Variants in TAFA1 observed in about 807,000 individuals in gnomAD.
TAFA1 encodes the protein TAFA chemokine like family member 1, also known as chemokine-like protein TAFA-1.
Under a neutral mutation model 18.5 loss-of-function variants are expected in TAFA1, and 4 were observed. The ratio of observed to expected loss-of-function variants is 0.22; its 90% CI spans 0.11 to 0.49. The LOEUF is 0.49. Among genes scored for constraint, TAFA1 ranks in the 20% least tolerant of loss-of-function variants. The probability of loss-of-function intolerance (pLI) is 0.98; values close to 1 mark genes in which losing one functional copy is unlikely to be tolerated. For missense variants in TAFA1, 147 were observed against 169.0 expected (o/e 0.87, Z 0.72); for synonymous variants, 56 against 55.2 (o/e 1.01, Z -0.06).
chr3:68,474,404 C>G (rs1008072100), intron 3 of TAFA1, among the ~76,000 whole-genome samples: 1 of 152,096 alleles, frequency 6.6e-6, no homozygotes, highest in Non-Finnish European at 1.5e-5. Context: ...ACACCTGTGC[C>G]CCATTACTAA....
intron 2 of TAFA1, among the ~76,000 whole-genome samples, chr3:68,126,026 A>G (rs944269682): frequency 6.6e-6 from 1 of 152,158 alleles, no homozygotes; most frequent in Admixed American, 6.5e-5. Context: ...AAACACATCC[A>G]TTAATTGATT....
intron 3 of TAFA1, among the ~76,000 whole-genome samples, chr3:68,468,185 T>C (rs1441503313): frequency 1.3e-5 from 2 of 152,198 alleles, no homozygotes; most frequent in Non-Finnish European, 1.5e-5. Flanking sequence ...TTTAAGGATA[T>C]GCATCTAACA....
In TAFA1 at chr3:68,034,558, A is replaced by G. The variant is rs139910726; in HGVS notation, c.118+27814A>G. On this transcript the variant is annotated intron_variant, in intron 2 of 4. Coordinates refer to ENST00000478136, the MANE Select transcript of TAFA1 (RefSeq NM_213609.4). Reference sequence around the variant, plus strand: ...GCTTAAATGGACTCTATTGTGACCTAGCTTTCAGCAGGAAGCATAAACCAG... The same window carrying G: ...GCTTAAATGGACTCTATTGTGACCTGGCTTTCAGCAGGAAGCATAAACCAG... 2.5e-3 allele frequency among the ~76,000 whole-genome samples: 374 copies of G among 152,326 alleles called. 1 individual carries two copies. Among genetic ancestry groups the G allele is most frequent in the African/African-American group, 8.6e-3 (356 of 41,578 alleles).
intron 2 of TAFA1, among the ~76,000 whole-genome samples, chr3:68,311,942 C>T (rs1207275170): frequency 6.6e-6 from 1 of 152,230 alleles, no homozygotes; most frequent in Admixed American, 6.5e-5. Context: ...TCTGCCTAGG[C>T]ATCCAGGCAT....
intron 2 of TAFA1, among the ~76,000 whole-genome samples, chr3:68,347,107 T>C (rs2069175729): frequency 6.6e-6 from 1 of 152,178 alleles, no homozygotes; most frequent in African/African-American, 2.4e-5. Context: ...ATCATGGCCG[T>C]TATTATACAT....
At chr3:68,229,573 G>A (rs904451089) in intron 2 of TAFA1, among the ~76,000 whole-genome samples, 1 of 152,152 alleles carries the variant, frequency 6.6e-6, no homozygotes, top group Non-Finnish European at 1.5e-5. Context: ...GAGAAATGTG[G>A]AAACATAGGC....
intron 2 of TAFA1, among the ~76,000 whole-genome samples, chr3:68,114,783 C>A (rs138097321): frequency 1.3e-4 from 19 of 151,982 alleles, no homozygotes; most frequent in African/African-American, 4.6e-4. Flanking sequence ...TTATAATAGC[C>A]CTAAACTTAA....
chr3:68,178,146 C>A (rs554656897), intron 2 of TAFA1, among the ~76,000 whole-genome samples: 19 of 142,778 alleles, frequency 1.3e-4, no homozygotes, highest in East Asian at 6.4e-4. Flanking sequence ...TCCATCCCCC[C>A]CTCCCCAAAA....
At chr3:68,398,017 G>A (rs1278585975) in intron 2 of TAFA1, among the ~76,000 whole-genome samples, 2 of 152,086 alleles carry the variant, frequency 1.3e-5, no homozygotes, top group East Asian at 1.9e-4. Flanking sequence ...CAAATTCAGT[G>A]TTATTCCCAT....
chr3:68,406,333 A>G (rs1430388290), intron 2 of TAFA1, among the ~76,000 whole-genome samples: 2 of 152,166 alleles, frequency 1.3e-5, no homozygotes, highest in African/African-American at 2.4e-5. Flanking sequence ...TAGCTGGTTC[A>G]ATGGTCTTGG....
intron 2 of TAFA1, among the ~76,000 whole-genome samples, chr3:68,114,416 T>C (rs2065301203): frequency 6.6e-6 from 1 of 152,166 alleles, no homozygotes; most frequent in Admixed American, 6.5e-5. Context: ...AGCTAAATGA[T>C]AAAAATAGGC....
intron 2 of TAFA1, among the ~76,000 whole-genome samples, chr3:68,100,941 T>C (rs7374608): frequency 0.39 from 59,561 of 152,082 alleles, 11,833 homozygotes; most frequent in East Asian, 0.48. Context: ...TTTAGTTACC[T>C]GTTCATTCAC....
rs759433510 is a variant in TAFA1 at position 68,163,552 on chromosome 3, G to C, written c.118+156808G>C. 1.9e-4 allele frequency among the ~76,000 whole-genome samples: 29 copies of C among 152,306 alleles called. No individual in the cohort carries two copies. The Middle Eastern group carries it at 0.01, about 54-fold the overall frequency. On this transcript the variant is annotated intron_variant, in intron 2 of 4. Coordinates refer to ENST00000478136, the MANE Select transcript of TAFA1 (RefSeq NM_213609.4). ...TCCCAAACGACGGTCAGATATGTTTGTGCTCCCATAGTGTTATGATGCTCC... is the reference window on the plus strand; with the variant it reads ...TCCCAAACGACGGTCAGATATGTTTCTGCTCCCATAGTGTTATGATGCTCC...
chr3:68,500,099 C>T (rs1398674487), intron 3 of TAFA1, among the ~76,000 whole-genome samples: 1 of 151,980 alleles, frequency 6.6e-6, no homozygotes, highest in Non-Finnish European at 1.5e-5. Flanking sequence ...TTTGACATGG[C>T]TCTAAACAAC....
intron 1 of TAFA1, 47 bp from the exon 2 acceptor site, chr3:68,006,577 G>C: frequency 7.8e-7 from 1 of 1,290,054 alleles, no homozygotes; most frequent in Non-Finnish European, 1.1e-6. Context: ...GACTGAGCTG[G>C]GGGCTTGAAG....
chr3:68,256,036 A>G (rs760541822), intron 2 of TAFA1, among the ~76,000 whole-genome samples: 6 of 152,132 alleles, frequency 3.9e-5, no homozygotes, highest in Admixed American at 6.6e-5. Flanking sequence ...AATAGATACT[A>G]TTTATCAAAG....
intron 2 of TAFA1, among the ~76,000 whole-genome samples, chr3:68,157,419 C>A (rs1017557406): frequency 6.6e-6 from 1 of 152,146 alleles, no homozygotes; most frequent in African/African-American, 2.4e-5. Context: ...AAACTCATTT[C>A]TCCCAACTGC....
At chr3:68,465,739 G>C (rs1033587558) in intron 3 of TAFA1, among the ~76,000 whole-genome samples, 1 of 152,162 alleles carries the variant, frequency 6.6e-6, no homozygotes, top group African/African-American at 2.4e-5. Flanking sequence ...GACAGAGAGG[G>C]ATATGGCCTC....
At chr3:68,181,762 T>A (rs2066204108) in intron 2 of TAFA1, among the ~76,000 whole-genome samples, 1 of 152,200 alleles carries the variant, frequency 6.6e-6, no homozygotes, top group Non-Finnish European at 1.5e-5. Context: ...TTGTGGGCTC[T>A]CTCAGCACAC....
Sources: gnomAD v4.1 joint callset for allele counts (sites outside exome capture counted in the v4.1 genomes callset) on GRCh38, gnomAD v4.1.1 for gene constraint, MANE v1.5 for transcripts, NCBI Gene and HGNC (gene_info 2026-07-23, HGNC 2026-07-21) for gene names.